The following GOLGA6L2 variants were observed in gnomAD, a reference collection of about 807,000 sequenced individuals.
GOLGA6L2 encodes golgin A6 family like 2.
Under a neutral mutation model 35.9 loss-of-function variants are expected in GOLGA6L2, and 30 were observed. That is an observed-to-expected ratio of 0.83 (90% confidence interval 0.62 to 1.13). GOLGA6L2 has a LOEUF of 1.13. Ranked by LOEUF, GOLGA6L2 falls within the 50% of genes most tolerant of loss-of-function variation. The pLI is 0.00. For synonymous variants in GOLGA6L2, 297 were observed against 344.0 expected, an observed-to-expected ratio of 0.86 and a Z score of 1.51; for missense variants, 821 against 973.4, an observed-to-expected ratio of 0.84 and a Z score of 2.08.
At position 23,447,185 on chromosome 15, in the gene GOLGA6L2, C is replaced by G; in HGVS notation, c.-4G>C. 3 of 1,548,000 alleles carry G rather than the reference C, an allele frequency of 1.9e-6. No homozygotes were observed. In the South Asian group the frequency reaches 3.4e-5, roughly 17 times the overall value. On this transcript the variant is annotated 5_prime_UTR_variant, in exon 1 of 8. Coordinates refer to ENST00000567107, the MANE Select transcript of GOLGA6L2 (RefSeq NM_001304388.2). ...GGAGGTGGGGTTGGGGCCACATCAG[C>G]GTGATTCAGACGAGGACAAGGATAC... is the stretch of plus-strand genomic sequence containing the variant.
Position 23,442,479 on chromosome 15 carries a change from G to T in GOLGA6L2, c.621C>A (p.Asp207Glu), listed in dbSNP as rs367817202. 66 of 1,596,068 alleles carry T rather than the reference G, an allele frequency of 4.1e-5. No homozygotes were observed. The highest frequency in any genetic ancestry group is 5.4e-5 in the African/African-American group (4 of 74,468). ...TCCTGTACAGTTCCAGACTCAGGGCGTCCCTCTCCTTTGTTAACTCCTCGA... is the reference window on the plus strand; with the variant it reads ...TCCTGTACAGTTCCAGACTCAGGGCTTCCCTCTCCTTTGTTAACTCCTCGA... ...RYIEELTKER[D>E]ALSLELYRNT... is the part of the protein sequence containing the mutation. Residue 207 changes from aspartate (D) to glutamate (E), a missense_variant, in exon 6 of 8, where the codon GAC (aspartate) becomes GAA (glutamate). Around this residue, in one of 7 missense-constraint regions of GOLGA6L2, gnomAD observed 614 missense variants for 632.3 expected, o/e 0.97. Transcript: ENST00000567107.
chr15:23,444,203 C>T lies in GOLGA6L2; in HGVS notation c.253G>A (p.Ala85Thr), dbSNP rs748164791. ...NRAQLKEEKK[A>T]SHQHQEALRR... ...AGGGCTTCCTGATGTTGGTGGCTTG[C>T]CTTCTTTTCCTATAGAAAGAGGAAG... Residue 85 changes from alanine (A) to threonine (T), a missense_variant, in exon 4 of 8, where the codon GCA becomes ACA. Transcript: ENST00000567107. 6.2e-7 allele frequency: 1 copy of T among 1,603,764 alleles called. No individual in the cohort carries two copies. Among genetic ancestry groups the T allele is most frequent in the Admixed American group, 1.7e-5 (1 of 59,550 alleles).
rs1289229677 is a variant in GOLGA6L2 at position 23,441,145 on chromosome 15, C to T, written c.1330G>A (p.Glu444Lys). The T allele has an allele frequency of 1.3e-6, 2 of 1,524,162 alleles. No homozygotes were observed. The highest frequency in any genetic ancestry group is 2.5e-5 in the East Asian group (1 of 39,734). The allele number at this position is 1,524,162 out of a possible 1,614,324, so 94.4% of individuals were successfully genotyped here. Reference sequence around the variant, plus strand: ...ATCCTCTCCTCCTCTTGCATCTTCTCCTCCTGGTCCCGCGTCTTCTTCTCC... The same window carrying T: ...ATCCTCTCCTCCTCTTGCATCTTCTTCTCCTGGTCCCGCGTCTTCTTCTCC... ...EQEKKTRDQEEKMQEEERIRE... is the reference protein window; with the variant it reads ...EQEKKTRDQEKKMQEEERIRE... Residue 444 changes from glutamate (E) to lysine (K), a missense_variant, in exon 8 of 8, where the codon GAG (glutamate) becomes AAG (lysine). Transcript: ENST00000567107.
At chr15:23,443,731 C>G (rs2141083460) in intron 5 of GOLGA6L2, 46 bp downstream of exon 5, 2 of 1,435,646 alleles carry the variant, frequency 1.4e-6, no homozygotes, top group Non-Finnish European at 1.9e-6. Context: ...ATTCCTCCAT[C>G]TGCGAAGCTG....
At chr15:23,444,241 C>A (rs769315594) in intron 3 of GOLGA6L2, 29 bp from the exon 4 acceptor site, 5 of 1,600,748 alleles carry the variant, frequency 3.1e-6, no homozygotes, top group Non-Finnish European at 4.3e-6. Flanking sequence ...AGAGCTCTTA[C>A]TAGGGGGAGG....
At chr15:23,442,307 G>A in intron 6 of GOLGA6L2, 143 bp downstream of exon 6, 2 of 1,151,948 alleles carry the variant, frequency 1.7e-6, no homozygotes, top group Non-Finnish European at 1.2e-6. Flanking sequence ...ATGAGTCAGT[G>A]GCACAGCCGG....
At position 23,441,326 on chromosome 15, in the gene GOLGA6L2, C is replaced by T; in HGVS notation, c.1149G>A (p.Lys383=). The T allele has an allele frequency of 1.3e-6, 2 of 1,540,080 alleles. No individual in the cohort carries two copies. Among genetic ancestry groups the T allele is most frequent in the South Asian group, 1.2e-5 (1 of 83,978 alleles). Residue 383 remains lysine (K), a synonymous_variant, in exon 8 of 8, where the codon AAG becomes AAA. Transcript: ENST00000567107. ...RQEERLWEQE[K]QMREQEQKMR... is the part of the protein sequence containing the mutation. The stretch of plus-strand genomic sequence containing the variant: ...TCTTCTGCTCCTGCTCCCGCATCTG[C>T]TTCTCCTGCTCCCACAGCCTCTCCT...
rs187669039 is a variant in GOLGA6L2 at position 23,446,918 on chromosome 15, G to A, written c.84+180C>T. Among the ~76,000 whole-genome samples, 9 of 152,094 alleles carry A rather than the reference G, an allele frequency of 5.9e-5. No individual in the cohort carries two copies. The East Asian group carries it at 1.2e-3, about 20-fold the overall frequency. Reference sequence around the variant, plus strand: ...CCTGGGGTCACTGGCAAGGGCCGGGGCAGGACTGCTGAGGGGGTGGGGCTG... The same window carrying A: ...CCTGGGGTCACTGGCAAGGGCCGGGACAGGACTGCTGAGGGGGTGGGGCTG... On this transcript the variant is annotated intron_variant, in intron 1 of 7. Coordinates refer to ENST00000567107, the MANE Select transcript of GOLGA6L2 (RefSeq NM_001304388.2).
At chr15:23,444,595 T>G (rs1251628878) in intron 2 of GOLGA6L2, 95 bp from the exon 3 acceptor site, 1 of 1,105,262 alleles carries the variant, frequency 9.0e-7, no homozygotes, top group African/African-American at 1.5e-5. Flanking sequence ...GAATGGATTT[T>G]AAAGGGCAAC....
chr15:23,446,684 C>T lies in GOLGA6L2; in HGVS notation c.84+414G>A, dbSNP rs534033313. Among the ~76,000 whole-genome samples the T allele has an allele frequency of 2.2e-4, 33 of 151,720 alleles. No homozygotes were observed. In the South Asian group the frequency reaches 4.4e-3, roughly 20 times the overall value. On this transcript the variant is annotated intron_variant, in intron 1 of 7. Transcript: ENST00000567107. ...GAGCCCAGGGAGGTAGGGCTTGGGG[C>T]GACGGGAGGTGAGGGCCAAGTATGG...
rs781252249 is a variant in GOLGA6L2, at chr15:23,441,467, C to T, written c.1008G>A (p.Glu336=). ...CCCGCAGCTTCTTCTGCTCCCGCAGCTCCTTCTCCTGCTCCCGCAGCTCCT... is the reference window on the plus strand; with the variant it reads ...CCCGCAGCTTCTTCTGCTCCCGCAGTTCCTTCTCCTGCTCCCGCAGCTCCT... ...QEKELREQEK[E]LREQKKLREQ... is the part of the protein sequence containing the mutation. Residue 336 remains glutamate, a synonymous_variant, in exon 8 of 8, where the codon GAG becomes GAA. Transcript: ENST00000567107. 2.8e-6 allele frequency: 4 copies of T among 1,413,900 alleles called. No individual in the cohort carries two copies. The African/African-American group carries it at 5.7e-5, about 20-fold the overall frequency. The allele number at this position is 1,413,900 out of a possible 1,614,324, so 87.6% of individuals were successfully genotyped here. A position where few individuals can be genotyped will look rare whatever the true frequency, so the allele number is the denominator to read the frequency against.
chr15:23,441,002 C>G lies in GOLGA6L2; in HGVS notation c.1473G>C (p.Gln491His), dbSNP rs1427131964. ...GCTTCTCCTTCTGTTCCGGCAGCCT[C>G]TGCTGCTGCCACTCCTTCTCTTCCT... ...WEQEEKEWQQ[Q>H]RLPEQKEKLW... is the part of the protein sequence containing the mutation. Residue 491 changes from glutamine (Q) to histidine (H), a missense_variant, in exon 8 of 8, where the codon CAG becomes CAC. Physicochemically the swap from Gln to His is conservative, Grantham distance 24 (BLOSUM62 0). This residue lies in a region of GOLGA6L2 where 614 missense variants were observed against 632.3 expected (regional missense o/e 0.97). Coordinates refer to ENST00000567107, the MANE Select transcript of GOLGA6L2 (RefSeq NM_001304388.2). The G allele has an allele frequency of 3.9e-6, 6 of 1,536,112 alleles. No individual in the cohort carries two copies. Among genetic ancestry groups the G allele is most frequent in the Non-Finnish European group, 5.3e-6 (6 of 1,141,574 alleles).
Position 23,447,079 on chromosome 15 carries a change from G to A in GOLGA6L2, c.84+19C>T, listed in dbSNP as rs373933471. ...GGGGCTGGGTTGGGGTTGGGGTGCCGCAACCCAGTGAGTTTTACCTTTTTC... is the reference window on the plus strand; with the variant it reads ...GGGGCTGGGTTGGGGTTGGGGTGCCACAACCCAGTGAGTTTTACCTTTTTC... On this transcript the variant is annotated intron_variant, in intron 1 of 7. Coordinates refer to ENST00000567107, the MANE Select transcript of GOLGA6L2 (RefSeq NM_001304388.2). 1.1e-4 allele frequency: 155 copies of A among 1,368,080 alleles called. No individual in the cohort carries two copies. Among genetic ancestry groups the A allele is most frequent in the Middle Eastern group, 5.7e-4 (3 of 5,304 alleles). 84.7% of individuals were successfully genotyped at this position (1,368,080 alleles called of 1,614,324 possible).
In GOLGA6L2 at chr15:23,444,069, T is replaced by C; in HGVS notation, c.299A>G (p.Gln100Arg). ...QEALRREIEA[Q>R]DHTIRILTCQ... ...CGTGAGAATTCGTATTGTATGATCCTGGGCCTTTGGGAGAAAAGACAAGCA... is the reference window on the plus strand; with the variant it reads ...CGTGAGAATTCGTATTGTATGATCCCGGGCCTTTGGGAGAAAAGACAAGCA... The change falls in exon 5 of 8, where the codon CAG becomes CGG. Residue 100 changes from glutamine to arginine, a missense_variant. Gln to Arg is a conservative substitution (Grantham distance 43). Transcript: ENST00000567107. 2 of 1,567,996 alleles carry C rather than the reference T, an allele frequency of 1.3e-6. No homozygotes were observed. The highest frequency in any genetic ancestry group is 2.3e-5 in the East Asian group (1 of 43,298).
rs780467880 is a variant in GOLGA6L2, at chr15:23,440,000, C to T, written c.2475G>A (p.Ala825=). ...GCCCTGCATCTTCTCCTCCTGCTCC[C>T]GCATCTTCTCCTCCTGGCCCTGCAT... ...GEDAGPGGED[A]GAGGEDAGPG... is the part of the protein sequence containing the mutation. Residue 825 remains alanine, a synonymous_variant, in exon 8 of 8, where the codon GCG becomes GCA. Transcript: ENST00000567107. 4.5e-6 allele frequency: 2 copies of T among 445,584 alleles called. No homozygotes were observed. The highest frequency in any genetic ancestry group is 1.8e-5 in the South Asian group (1 of 54,676). The allele number at this position is 445,584 out of a possible 1,614,324, so 27.6% of individuals were successfully genotyped here. A position where few individuals can be genotyped will look rare whatever the true frequency, so the allele number is the denominator to read the frequency against.
Position 23,440,918 on chromosome 15 carries a change from C to A in GOLGA6L2, c.1557G>T (p.Lys519Asn), listed in dbSNP as rs73440358. 1.1e-3 allele frequency: 1,652 copies of A among 1,523,686 alleles called. 34 individuals are homozygous for A. In the African/African-American group the frequency reaches 0.021, roughly 19 times the overall value. 94.4% of individuals were successfully genotyped at this position (1,523,686 alleles called of 1,614,324 possible). ...QEEKIWEQEE[K>N]IRDQEEMWGQ... The stretch of plus-strand genomic sequence containing the variant: ...CCCACATCTCCTCCTGGTCCCGTAT[C>A]TTCTCCTCCTGCTCCCATATCTTCT... Residue 519 changes from lysine to asparagine, a missense_variant, in exon 8 of 8, where the codon AAG (lysine) becomes AAT (asparagine). Physicochemically the swap from Lys to Asn is moderately conservative, Grantham distance 94. Coordinates refer to ENST00000567107, the MANE Select transcript of GOLGA6L2 (RefSeq NM_001304388.2).
rs1205065927 is a variant in GOLGA6L2 at position 23,439,499 on chromosome 15, A to G, written c.*246T>C. On this transcript the variant is annotated 3_prime_UTR_variant, in exon 8 of 8. Transcript: ENST00000567107. Reference sequence around the variant, plus strand: ...GCTCAGACTATATTCACACAGTGACATGGCGGCTTATGCTTCTGTAGGCCT... The same window carrying G: ...GCTCAGACTATATTCACACAGTGACGTGGCGGCTTATGCTTCTGTAGGCCT... 5.5e-6 allele frequency: 6 copies of G among 1,086,194 alleles called. No individual in the cohort carries two copies. The highest frequency in any genetic ancestry group is 7.9e-6 in the Non-Finnish European group (6 of 757,612). 67.3% of individuals were successfully genotyped at this position (1,086,194 alleles called of 1,614,324 possible). A position where few individuals can be genotyped will look rare whatever the true frequency, so the allele number is the denominator to read the frequency against.
chr15:23,439,169 G>C lies in GOLGA6L2; in HGVS notation c.*576C>G, dbSNP rs199620125. Among the ~76,000 whole-genome samples the C allele has an allele frequency of 2.9e-5, 1 of 34,344 alleles. No homozygotes were observed. The highest frequency in any genetic ancestry group is 6.9e-5 in the Non-Finnish European group (1 of 14,498). 22.5% of individuals were successfully genotyped at this position (34,344 alleles called of 152,430 possible). A position where few individuals can be genotyped will look rare whatever the true frequency, so the allele number is the denominator to read the frequency against. On this transcript the variant is annotated 3_prime_UTR_variant, in exon 8 of 8. Coordinates refer to ENST00000567107, the MANE Select transcript of GOLGA6L2 (RefSeq NM_001304388.2). ...AGGTAGAAACTTTTTTTTTTTTTTT[G>C]AGATGGAATCTCGCTCTGTCATCCA... is the stretch of plus-strand genomic sequence containing the variant.
intron 2 of GOLGA6L2, 73 bp from the exon 3 acceptor site, chr15:23,444,573 C>T (rs541663436): frequency 5.2e-4 from 739 of 1,410,814 alleles, no homozygotes; most frequent in Admixed American, 7.1e-4. Context: ...GGAAGCGGTA[C>T]GCAGGGGTCA....
Sources: gnomAD v4.1 joint callset for allele counts (sites outside exome capture counted in the v4.1 genomes callset) on GRCh38, gnomAD v4.1.1 for gene constraint, gnomAD v4.1.1 regional missense constraint, MANE v1.5 for transcripts, NCBI Gene and HGNC (gene_info 2026-07-23, HGNC 2026-07-21) for gene names.